The following TMEM131L variants were observed in gnomAD, a reference collection of about 807,000 sequenced individuals.
TMEM131L encodes the protein transmembrane 131 like.
Under a neutral mutation model 192.2 loss-of-function variants are expected in TMEM131L, and 54 were observed. That is an observed-to-expected ratio of 0.28 (90% CI 0.23 to 0.35). The LOEUF (loss-of-function observed/expected upper bound fraction) is 0.35. TMEM131L is among the 10% of genes least tolerant of loss of function. The pLI is 1.00. For synonymous variants in TMEM131L, 701 were observed against 704.9 expected (o/e 0.99, Z 0.09); for missense variants, 1,888 against 1,972.9 (o/e 0.96, Z 0.82).
At position 153,604,207 on chromosome 4, in the gene TMEM131L, T is replaced by G. The variant is rs75258507; in HGVS notation, c.3195T>G (p.Ile1065Met). The change falls in exon 25 of 35, where the codon ATT becomes ATG. Residue 1065 changes from isoleucine (I) to methionine (M), a missense_variant. By Grantham distance (10) the Ile-to-Met change is conservative. Transcript: ENST00000409959. ...NKEENTLKNT[I>M]VFSNPSSECS... is the part of the protein sequence containing the mutation. ...AAGAAAACACACTGAAAAACACAAT[T>G]GTTTTCAGTAATCCTTCTTCAGAAT... The G allele has an allele frequency of 1.2e-6, 2 of 1,614,034 alleles. No individual in the cohort carries two copies. The highest frequency in any genetic ancestry group is 2.7e-5 in the African/African-American group (2 of 75,044).
At chr4:153,532,700 A>G (rs1199719288) in intron 3 of TMEM131L, among the ~76,000 whole-genome samples, 2 of 152,026 alleles carry the variant, frequency 1.3e-5, no homozygotes, top group Non-Finnish European at 2.9e-5. Context: ...AGCCTTTTGC[A>G]AAATTATACT....
chr4:153,482,239 T>C (rs1413079997), intron 3 of TMEM131L, among the ~76,000 whole-genome samples: 1 of 152,206 alleles, frequency 6.6e-6, no homozygotes, highest in African/African-American at 2.4e-5. Flanking sequence ...TCATGGTACC[T>C]TCTACAGGGT....
rs376763331 is a variant in TMEM131L at position 153,622,983 on chromosome 4, C to T, written c.3945C>T (p.Ser1315=). The change falls in exon 29 of 35, where the codon AGC becomes AGT. Residue 1315 remains serine, a synonymous_variant. Coordinates refer to ENST00000409959, the MANE Select transcript of TMEM131L (RefSeq NM_001131007.2). ...CTGACTGTGGGAGCTCCTCTGGCAG[C>T]GTGCGTGCCAGCCGGGGCAGCTGGG... ...SSSDCGSSSG[S]VRASRGSWGS... is the part of the protein sequence containing the mutation. The T allele has an allele frequency of 2.0e-4, 328 of 1,614,014 alleles. No individual in the cohort carries two copies. Among genetic ancestry groups the T allele is most frequent in the Non-Finnish European group, 2.6e-4 (301 of 1,179,968 alleles).
At chr4:153,631,313 A>G (rs1734193164) in intron 31 of TMEM131L, among the ~76,000 whole-genome samples, 1 of 152,216 alleles carries the variant, frequency 6.6e-6, no homozygotes, top group Non-Finnish European at 1.5e-5. Flanking sequence ...GTTTCCCTAG[A>G]GGGGTACCTG....
chr4:153,583,535 A>G (rs1203623133), intron 10 of TMEM131L, 29 bp from the exon 11 acceptor site: 1 of 1,365,802 alleles, frequency 7.3e-7, no homozygotes, highest in East Asian at 2.3e-5. Context: ...AGCTGAGAGT[A>G]GTCACATGGG....
At chr4:153,618,476 C>CAAAAA (rs10669791) in intron 26 of TMEM131L, among the ~76,000 whole-genome samples, 3 of 99,416 alleles carry the variant, frequency 3.0e-5, no homozygotes, top group African/African-American at 1.2e-4. Context: ...ACCCTGTCTC[C>CAAAAA]AAAAAAAAAA....
At chr4:153,620,606 G>T (rs1299024694) in intron 26 of TMEM131L, 150 bp from the exon 27 acceptor site, 1 of 397,608 alleles carries the variant, frequency 2.5e-6, no homozygotes, top group Admixed American at 5.0e-5. Flanking sequence ...GAGGGGAAAT[G>T]AAAACAAACT....
chr4:153,469,314 G>GACACAC (rs201245535), intron 2 of TMEM131L, among the ~76,000 whole-genome samples: 7,471 of 148,876 alleles, frequency 0.05, 203 homozygotes, highest in Non-Finnish European at 0.055. Context: ...GGGTAAGGGA[G>GACACAC]ACACACACAC....
chr4:153,562,596 G>A (rs1201216161), intron 7 of TMEM131L, among the ~76,000 whole-genome samples: 4 of 152,166 alleles, frequency 2.6e-5, no homozygotes, highest in Non-Finnish European at 5.9e-5. Context: ...AGAGCCCATT[G>A]TCCAGGGTTG....
In TMEM131L at chr4:153,598,577, C is replaced by T. The variant is rs773166877; in HGVS notation, c.2124-13C>T. 1.9e-6 allele frequency: 3 copies of T among 1,607,824 alleles called. No individual in the cohort carries two copies. The highest frequency in any genetic ancestry group is 2.6e-6 in the Non-Finnish European group (3 of 1,175,636). On this transcript the variant is annotated splice_polypyrimidine_tract_variant and intron_variant, in intron 20 of 34. Transcript: ENST00000409959. ...ATGTAATGCCTTTTTATATCTATTT[C>T]CTTTCACTACAGGAATAACTTGACT... is the stretch of plus-strand genomic sequence containing the variant.
chr4:153,519,578 AG>A (rs1734966567), intron 3 of TMEM131L, among the ~76,000 whole-genome samples: 1 of 152,212 alleles, frequency 6.6e-6, no homozygotes, highest in African/African-American at 2.4e-5. Context: ...AGAATGACCA[AG>A]CAATCTTAAA....
intron 3 of TMEM131L, among the ~76,000 whole-genome samples, chr4:153,490,417 T>G (rs1178699899): frequency 6.6e-6 from 1 of 152,178 alleles, no homozygotes; most frequent in Non-Finnish European, 1.5e-5. Context: ...AGAAGGCACT[T>G]GCTCTCTAGT....
intron 29 of TMEM131L, among the ~76,000 whole-genome samples, chr4:153,625,611 TATG>T (rs1321253560): frequency 6.6e-6 from 1 of 152,038 alleles, no homozygotes; most frequent in Non-Finnish European, 1.5e-5. Flanking sequence ...ATATGTGAAA[TATG>T]ATTCCAATTT....
At chr4:153,544,256 G>A (rs1001848510) in intron 3 of TMEM131L, among the ~76,000 whole-genome samples, 1 of 152,214 alleles carries the variant, frequency 6.6e-6, no homozygotes, top group African/African-American at 2.4e-5. Context: ...TCACTGTTGT[G>A]TCTCAGATCC....
intron 26 of TMEM131L, among the ~76,000 whole-genome samples, chr4:153,613,643 C>T (rs987256448): frequency 3.3e-5 from 5 of 152,044 alleles, no homozygotes; most frequent in African/African-American, 1.2e-4. Flanking sequence ...AAAATTGACC[C>T]TTACATTTTT....
At chr4:153,551,664 G>T (rs1737632568) in intron 4 of TMEM131L, among the ~76,000 whole-genome samples, 1 of 151,946 alleles carries the variant, frequency 6.6e-6, no homozygotes, top group Non-Finnish European at 1.5e-5. Context: ...CCTGAACTTG[G>T]AATTTAAAAG....
intron 3 of TMEM131L, among the ~76,000 whole-genome samples, chr4:153,506,832 G>C (rs931293931): frequency 4.5e-5 from 6 of 132,648 alleles, no homozygotes; most frequent in Non-Finnish European, 6.2e-5. Flanking sequence ...GACAGAGTGA[G>C]ACTCTGTATC....
rs151157934 is a variant in TMEM131L, at chr4:153,636,519, G to A, written c.4776G>A (p.Ala1592=). The change falls in exon 35 of 35, where the codon GCG becomes GCA. Residue 1592 remains alanine (A), a synonymous_variant. Transcript: ENST00000409959. Reference sequence around the variant, plus strand: ...ACCTGGACATATGGACTACCACAGCGAATAGGAATGCAAATTTCCCACTGT... The same window carrying A: ...ACCTGGACATATGGACTACCACAGCAAATAGGAATGCAAATTTCCCACTGT... ...YMNLDIWTTT[A]NRNANFPLSR... 285 of 1,614,186 alleles carry A rather than the reference G, an allele frequency of 1.8e-4. No homozygotes were observed. The African/African-American group carries it at 3.1e-3, about 18-fold the overall frequency.
At chr4:153,484,249 G>A (rs963733481) in intron 3 of TMEM131L, among the ~76,000 whole-genome samples, 4 of 152,064 alleles carry the variant, frequency 2.6e-5, no homozygotes, top group Non-Finnish European at 4.4e-5. Flanking sequence ...ATGTTATCAT[G>A]TTACAAATAA....
Sources: allele counts gnomAD v4.1 joint callset (sites outside exome capture counted in the v4.1 genomes callset), GRCh38; gene constraint gnomAD v4.1.1; transcripts MANE v1.5; gene names NCBI Gene and HGNC (gene_info 2026-07-23, HGNC 2026-07-21).